The following KIF7 variants were observed in gnomAD, a reference collection of about 807,000 sequenced individuals.
The protein encoded by KIF7 is kinesin family member 7.
KIF7 carries 104 observed loss-of-function variants against 135.7 expected under a neutral mutation model. The observed-to-expected ratio is 0.77, with a 90% CI of 0.65 to 0.90. The LOEUF (loss-of-function observed/expected upper bound fraction) is 0.90. KIF7 is among the 40% of genes least tolerant of loss of function. The pLI, the probability that KIF7 is intolerant of heterozygous loss-of-function variation, is 0.00. For missense variants in KIF7, 2,005 were observed against 1,839.1 expected (o/e 1.09, Z -1.65); for synonymous variants, 883 against 809.4 (o/e 1.09, Z -1.54).
Position 89,631,656 on chromosome 15 carries a change from C to T in KIF7, c.2950G>A (p.Glu984Lys). The change falls in exon 15 of 19, where the codon GAG becomes AAG. Residue 984 changes from glutamate to lysine, a missense_variant. Transcript: ENST00000394412. ...VSSRLEHLEK[E>K]LSEKSGQLRQ... ...AGCTGCCCGCTCTTCTCGGACAGCT[C>T]CTTCTCCAGGTGCTCCAGCCGGCTG... 1 of 1,561,912 alleles carries T rather than the reference C, an allele frequency of 6.4e-7. No individual in the cohort carries two copies. The highest frequency in any genetic ancestry group is 8.7e-7 in the Non-Finnish European group (1 of 1,151,934).
At position 89,648,316 on chromosome 15, in the gene KIF7, T is replaced by C; in HGVS notation, c.1382A>G (p.Asp461Gly). The change falls in exon 5 of 19, where the codon GAT becomes GGT. Residue 461 changes from aspartate (D) to glycine (G), a missense_variant. Coordinates refer to ENST00000394412, the MANE Select transcript of KIF7 (RefSeq NM_198525.3). ...GACGGAGGCGCTCTCGATGCCGCTA[T>C]CGGGCCCGGAGGCGGAGCTCAGGGC... is the stretch of plus-strand genomic sequence containing the variant. Reference protein sequence around the residue: ...RSALSSASGPDSGIESASVED... With the variant: ...RSALSSASGPGSGIESASVED... 4 of 1,513,006 alleles carry C rather than the reference T, an allele frequency of 2.6e-6. No homozygotes were observed. The highest frequency in any genetic ancestry group is 3.5e-6 in the Non-Finnish European group (4 of 1,133,602). The allele number at this position is 1,513,006 out of a possible 1,614,324, so 93.7% of individuals were successfully genotyped here. A position where few individuals can be genotyped will look rare whatever the true frequency, so the allele number is the denominator to read the frequency against.
At chr15:89,629,996 G>A (rs532841232) in intron 16 of KIF7, 197 of 540,024 alleles carry the variant, frequency 3.6e-4, no homozygotes, top group Middle Eastern at 2.0e-3. Flanking sequence ...CTCCAGCCAT[G>A]GCCAAATGTC....
chr15:89,629,300 G>T (rs1404782262), intron 17 of KIF7, 75 bp downstream of exon 17: 2 of 1,133,836 alleles, frequency 1.8e-6, no homozygotes, highest in Admixed American at 2.7e-5. Context: ...GAGGGAGGGG[G>T]GTGCAGGGCG....
At chr15:89,619,563 C>G (rs1387147591) in intron 1 of KIF7, 12 of 797,500 alleles carry the variant, frequency 1.5e-5, no homozygotes, top group Non-Finnish European at 2.2e-5. Flanking sequence ...TTAAGAGACA[C>G]TTCAGAAGTC....
At chr15:89,657,662 C>A (rs926363391), upstream of KIF7, among the ~76,000 whole-genome samples, 2 of 152,100 alleles carry the variant, frequency 1.3e-5, no homozygotes, top group African/African-American at 4.8e-5. Context: ...AATTCAGATG[C>A]TTTTAAAATG....
downstream of KIF7, chr15:89,624,313 C>T: frequency 6.2e-7 from 1 of 1,614,158 alleles, no homozygotes; most frequent in Non-Finnish European, 8.5e-7. Context: ...GTGTCCTTCC[C>T]CAGGAGAACT....
chr15:89,630,899 C>G (rs1296045396), intron 15 of KIF7: 1 of 353,658 alleles, frequency 2.8e-6, no homozygotes, highest in Admixed American at 4.0e-5. Context: ...TATACTCACA[C>G]AAACCTAGAT....
intron 1 of KIF7, among the ~76,000 whole-genome samples, chr15:89,618,428 T>C (rs760814567): frequency 1.6e-4 from 25 of 152,322 alleles, no homozygotes; most frequent in African/African-American, 3.9e-4. Context: ...ACAACAGATA[T>C]GAAATTCAGG....
At position 89,631,508 on chromosome 15, in the gene KIF7, A is replaced by G. The variant is rs1383905030; in HGVS notation, c.3098T>C (p.Leu1033Pro). Reference sequence around the variant, plus strand: ...GCCGCAGGGTACCTCGGGGGACAGCAGACTCCCCTGCCTCAGCTTGCCGTC... The same window carrying G: ...GCCGCAGGGTACCTCGGGGGACAGCGGACTCCCCTGCCTCAGCTTGCCGTC... Reference protein sequence around the residue: ...EIDGKLRQGSLLSPEEERTLF... With the variant: ...EIDGKLRQGSPLSPEEERTLF... The change falls in exon 15 of 19, where the codon CTG (leucine) becomes CCG (proline). Residue 1033 changes from leucine to proline, a missense_variant. Leu to Pro is a moderately conservative substitution (Grantham distance 98). Coordinates refer to ENST00000394412, the MANE Select transcript of KIF7 (RefSeq NM_198525.3). 1 of 1,577,330 alleles carries G rather than the reference A, an allele frequency of 6.3e-7. No individual in the cohort carries two copies. The highest frequency in any genetic ancestry group is 2.3e-5 in the East Asian group (1 of 43,160).
At position 89,628,535 on chromosome 15, in the gene KIF7, C is replaced by T; in HGVS notation, c.3916G>A (p.Val1306Met). 7 of 1,613,268 alleles carry T rather than the reference C, an allele frequency of 4.3e-6. No individual in the cohort carries two copies. The highest frequency in any genetic ancestry group is 5.9e-6 in the Non-Finnish European group (7 of 1,179,976). Residue 1306 changes from valine to methionine, a missense_variant, in exon 19 of 19, where the codon GTG becomes ATG. Physicochemically the swap from Val to Met is conservative, Grantham distance 21. Coordinates refer to ENST00000394412, the MANE Select transcript of KIF7 (RefSeq NM_198525.3). ...REAAEPLVGR[V>M]LPVGEAGLPW... ...AGGCCTGCCTCACCCACAGGAAGCA[C>T]CCGCCCCACCAGGGGCTCAGCCGCC... is the stretch of plus-strand genomic sequence containing the variant.
chr15:89,638,502 C>G (rs2142010765), intron 11 of KIF7, among the ~76,000 whole-genome samples: 1 of 151,132 alleles, frequency 6.6e-6, no homozygotes, highest in African/African-American at 2.4e-5. Flanking sequence ...TATACACCAA[C>G]AACAAACAGA....
chr15:89,645,677 C>T (rs1382029257), intron 8 of KIF7, among the ~76,000 whole-genome samples: 1 of 152,132 alleles, frequency 6.6e-6, no homozygotes, highest in Non-Finnish European at 1.5e-5. Context: ...AGTCAGGAGG[C>T]CTGGGCCCAC....
rs559133051 is a variant in KIF7 at position 89,652,838 on chromosome 15, C to G, written c.93G>C (p.Leu31=). 1 of 1,549,890 alleles carries G rather than the reference C, an allele frequency of 6.5e-7. No homozygotes were observed. Among genetic ancestry groups the G allele is most frequent in the African/African-American group, 1.4e-5 (1 of 73,180 alleles). ...CCTGCAGGCAGCTCTGATGCCCGTG[C>G]AGCAGCTCCTTGGGCAGCAGTGGTC... is the stretch of plus-strand genomic sequence containing the variant. The part of the protein sequence containing the change: ...RVRPLLPKEL[L]HGHQSCLQVE... The change falls in exon 2 of 19, where the codon CTG becomes CTC. Residue 31 remains leucine (L), a synonymous_variant. Coordinates refer to ENST00000394412, the MANE Select transcript of KIF7 (RefSeq NM_198525.3).
At chr15:89,626,984 T>C (rs762449923), downstream of KIF7, 2 of 1,614,192 alleles carry the variant, frequency 1.2e-6, no homozygotes, top group South Asian at 2.2e-5. Context: ...TTCCCTCCAC[T>C]GTAGAAGACT....
intron 16 of KIF7, 153 bp from the exon 17 acceptor site, chr15:89,629,726 C>G (rs1308424276): frequency 1.2e-5 from 11 of 920,508 alleles, no homozygotes; most frequent in Non-Finnish European, 1.8e-5. Flanking sequence ...GCCTCAGACA[C>G]CTCAGCAGTG....
chr15:89,631,778 C>A, intron 14 of KIF7, 68 bp from the exon 15 acceptor site: 2 of 1,373,414 alleles, frequency 1.5e-6, no homozygotes, highest in Admixed American at 2.3e-5. Context: ...ACAGAAAGGG[C>A]CGGATGTTAA....
intron 2 of KIF7, among the ~76,000 whole-genome samples, chr15:89,651,415 G>C (rs1162355037): frequency 6.6e-6 from 1 of 151,932 alleles, no homozygotes; most frequent in East Asian, 1.9e-4. Flanking sequence ...TGTATTTTTA[G>C]TAGAGATGGG....
upstream of KIF7, among the ~76,000 whole-genome samples, chr15:89,657,782 A>T (rs1044204093): frequency 3.9e-4 from 60 of 152,354 alleles, no homozygotes; most frequent in African/African-American, 1.4e-3. Context: ...GTTACTTGAA[A>T]CAAATTGAGT....
At chr15:89,654,703 C>T (rs1459544680) in intron 1 of KIF7, among the ~76,000 whole-genome samples, 3 of 152,218 alleles carry the variant, frequency 2.0e-5, no homozygotes, top group Non-Finnish European at 4.4e-5. Context: ...CGCTGCCCAA[C>T]AGATAGTGAT....
Sources: gnomAD v4.1 joint callset for allele counts (sites outside exome capture counted in the v4.1 genomes callset) on GRCh38, gnomAD v4.1.1 for gene constraint, MANE v1.5 for transcripts, NCBI Gene and HGNC (gene_info 2026-07-23, HGNC 2026-07-21) for gene names.